The following TRAPPC9 variants were observed in gnomAD, a reference collection of about 807,000 sequenced individuals.
TRAPPC9 encodes IKK2 binding protein.
In TRAPPC9, 83 loss-of-function variants were observed where a neutral mutation model predicts 124.0. The ratio of observed to expected loss-of-function variants is 0.67; its 90% confidence interval spans 0.56 to 0.80. The LOEUF is 0.80. Among genes scored for constraint, TRAPPC9 ranks in the 30% least tolerant of loss-of-function variants. TRAPPC9 has a pLI of 0.00. For missense variants in TRAPPC9, 1,302 were observed against 1,508.3 expected, an observed-to-expected ratio of 0.86 and a Z score of 2.27; for synonymous variants, 638 against 617.5, an observed-to-expected ratio of 1.03 and a Z score of -0.49.
intron 17 of TRAPPC9, among the ~76,000 whole-genome samples, chr8:140,060,882 T>C (rs1229223748): frequency 1.3e-5 from 2 of 152,240 alleles, no homozygotes; most frequent in African/African-American, 4.8e-5. Context: ...GCGAAGGCCA[T>C]GTCCAGATGG....
chr8:140,421,984 CAAAAAAAAAAA>C (rs35152459), intron 5 of TRAPPC9, among the ~76,000 whole-genome samples: 4 of 43,988 alleles, frequency 9.1e-5, no homozygotes, highest in Non-Finnish European at 1.2e-4. Flanking sequence ...TCCCTCATGA[CAAAAAAAAAAA>C]AAAAAAAAAA....
chr8:140,137,823 T>C (rs1007543381), intron 17 of TRAPPC9, among the ~76,000 whole-genome samples: 1 of 152,244 alleles, frequency 6.6e-6, no homozygotes, highest in Non-Finnish European at 1.5e-5. Flanking sequence ...TTTAAATCCA[T>C]GTATGTTTAC....
intron 18 of TRAPPC9, among the ~76,000 whole-genome samples, chr8:140,018,108 G>A (rs1839588076): frequency 6.6e-6 from 1 of 152,070 alleles, no homozygotes; most frequent in African/African-American, 2.4e-5. Flanking sequence ...CTCTCGAAGT[G>A]CTGGGATTAT....
chr8:140,228,649 G>T (rs2063508977), intron 16 of TRAPPC9, among the ~76,000 whole-genome samples: 2 of 152,192 alleles, frequency 1.3e-5, no homozygotes, highest in South Asian at 4.1e-4. Flanking sequence ...GACATCAGAA[G>T]CCTCCATGTA....
At position 139,885,444 on chromosome 8, in the gene TRAPPC9, G is replaced by A. The variant is rs530630329; in HGVS notation, c.3055+435C>T. 2.2e-4 allele frequency among the ~76,000 whole-genome samples: 34 copies of A among 152,242 alleles called. 2 individuals are homozygous for A. The highest frequency in any genetic ancestry group is 7.9e-4 in the African/African-American group (33 of 41,550). On this transcript the variant is annotated intron_variant, in intron 21 of 22. Coordinates refer to ENST00000438773, the MANE Select transcript of TRAPPC9 (RefSeq NM_001160372.4). ...CATAGTCGTGGTGAGTGGGGTGAACGCAAGGGGTTCACCACACCCTGTTCT... is the reference window on the plus strand; with the variant it reads ...CATAGTCGTGGTGAGTGGGGTGAACACAAGGGGTTCACCACACCCTGTTCT...
chr8:139,875,675 C>T (rs1049555626), intron 21 of TRAPPC9, among the ~76,000 whole-genome samples: 3 of 152,138 alleles, frequency 2.0e-5, no homozygotes, highest in Admixed American at 2.0e-4. Context: ...CTCAGGCCGA[C>T]CAGGCTCTCA....
At chr8:139,971,596 C>T (rs1044690778) in intron 19 of TRAPPC9, among the ~76,000 whole-genome samples, 7 of 152,122 alleles carry the variant, frequency 4.6e-5, no homozygotes, top group Non-Finnish European at 8.8e-5. Flanking sequence ...GCCCAGTGCT[C>T]TCTGCACAAA....
chr8:139,734,676 C>T (rs1563771528), intron 21 of TRAPPC9, among the ~76,000 whole-genome samples: 2 of 152,238 alleles, frequency 1.3e-5, no homozygotes, highest in African/African-American at 4.8e-5. Flanking sequence ...GCTGCTGGCC[C>T]TTGCAGCCAG....
In TRAPPC9 at chr8:139,988,205, C is replaced by T. The variant is rs189072457; in HGVS notation, c.2810+521G>A. ...TCGGCTCACTGCACCCTCTGCTTCC[C>T]GGGTTCAAGCGATTCTCCTGCCTCA... On this transcript the variant is annotated intron_variant, in intron 19 of 22. Transcript: ENST00000438773. 8.7e-3 allele frequency among the ~76,000 whole-genome samples: 1,311 copies of T among 151,274 alleles called. 10 individuals are homozygous for T. Among genetic ancestry groups the T allele is most frequent in the Non-Finnish European group, 0.01 (698 of 67,900 alleles).
intron 9 of TRAPPC9, among the ~76,000 whole-genome samples, chr8:140,338,241 C>T (rs866336811): frequency 5.3e-5 from 8 of 152,084 alleles, no homozygotes; most frequent in Admixed American, 2.0e-4. Flanking sequence ...CCACGCCATA[C>T]GTATAAGCAA....
At chr8:140,293,689 G>A (rs189259472) in intron 11 of TRAPPC9, among the ~76,000 whole-genome samples, 4,477 of 151,188 alleles carry the variant, frequency 0.03, 232 homozygotes, top group African/African-American at 0.1. Context: ...CACAGGAAGG[G>A]GAACATCACA....
intron 19 of TRAPPC9, among the ~76,000 whole-genome samples, chr8:139,975,506 T>C (rs1836381033): frequency 6.6e-6 from 1 of 152,196 alleles, no homozygotes; most frequent in African/African-American, 2.4e-5. Context: ...TGGTCATTTA[T>C]GCTACAGGTG....
At chr8:139,766,100 A>T (rs979097344) in intron 21 of TRAPPC9, among the ~76,000 whole-genome samples, 4 of 152,240 alleles carry the variant, frequency 2.6e-5, no homozygotes, top group African/African-American at 9.6e-5. Context: ...CTTTATTCCA[A>T]GGCCTCAGGG....
intron 9 of TRAPPC9, among the ~76,000 whole-genome samples, chr8:140,325,950 A>G (rs921980875): frequency 1.3e-5 from 2 of 152,206 alleles, no homozygotes; most frequent in Non-Finnish European, 2.9e-5. Flanking sequence ...AAAGCACTAT[A>G]CAATAAGAGT....
intron 7 of TRAPPC9, among the ~76,000 whole-genome samples, chr8:140,388,044 T>TA (rs1056547987): frequency 5.3e-5 from 8 of 151,484 alleles, no homozygotes; most frequent in Admixed American, 6.6e-5. Flanking sequence ...TATGCAGCCA[T>TA]AAAAAAGGAT....
At chr8:139,860,252 A>G (rs532355276) in intron 21 of TRAPPC9, among the ~76,000 whole-genome samples, 63 of 152,310 alleles carry the variant, frequency 4.1e-4, no homozygotes, top group South Asian at 1.7e-3. Context: ...AGGTAGAGCT[A>G]GCCCACTGAA....
intron 17 of TRAPPC9, among the ~76,000 whole-genome samples, chr8:140,025,176 G>A (rs1840066000): frequency 6.6e-6 from 1 of 152,158 alleles, no homozygotes; most frequent in Non-Finnish European, 1.5e-5. Context: ...GAGCCTGGGG[G>A]CACCCAGAGT....
At chr8:140,128,781 T>C (rs539174439) in intron 17 of TRAPPC9, among the ~76,000 whole-genome samples, 26 of 152,228 alleles carry the variant, frequency 1.7e-4, no homozygotes, top group African/African-American at 6.3e-4. Flanking sequence ...ACCTAGCCAT[T>C]CTGCCTCAGT....
chr8:140,328,475 T>A (rs2066799481), intron 9 of TRAPPC9, among the ~76,000 whole-genome samples: 1 of 151,962 alleles, frequency 6.6e-6, no homozygotes, highest in South Asian at 2.1e-4. Context: ...TCCAAGTGAG[T>A]AACTCAAGAA....
Sources: allele counts gnomAD v4.1 joint callset (sites outside exome capture counted in the v4.1 genomes callset), GRCh38; gene constraint gnomAD v4.1.1; transcripts MANE v1.5; gene names NCBI Gene and HGNC (gene_info 2026-07-23, HGNC 2026-07-21).